The following PRKN variants were observed in gnomAD, a reference collection of about 807,000 sequenced individuals.
PRKN encodes E3 ubiquitin-protein ligase parkin.
In PRKN, 56 loss-of-function variants were observed where a neutral mutation model predicts 59.5. That is an observed-to-expected ratio of 0.94 (90% confidence interval 0.76 to 1.18). The LOEUF (loss-of-function observed/expected upper bound fraction) is 1.18, where lower values mean the gene tolerates loss of function less well. PRKN is among the 50% of genes most tolerant of loss of function. The probability of loss-of-function intolerance (pLI) is 0.00; values close to 1 mark genes in which losing one functional copy is unlikely to be tolerated. For missense variants in PRKN, 657 were observed against 596.4 expected (o/e 1.10, Z -1.06); for synonymous variants, 250 against 222.1 (o/e 1.13, Z -1.12).
Position 161,444,168 on chromosome 6 carries a change from C to A in PRKN, c.1084-57291G>T, listed in dbSNP as rs1006439125. ...GCCCAGCGGGTGGGAGCTGCAGATA[C>A]CACTTCTCCAGGACCCATCCCAGGG... On this transcript the variant is annotated intron_variant, in intron 9 of 11. Coordinates refer to ENST00000366898, the MANE Select transcript of PRKN (RefSeq NM_004562.3). This position sits in a 1 kb window ranked among gnomAD's most constrained non-coding sequence, Gnocchi z 5.6. 6.6e-6 allele frequency among the ~76,000 whole-genome samples: 1 copy of A among 152,186 alleles called. No homozygotes were observed. The highest frequency in any genetic ancestry group is 1.5e-5 in the Non-Finnish European group (1 of 68,034).
At chr6:161,846,403 A>C (rs1484128007) in intron 6 of PRKN, among the ~76,000 whole-genome samples, 5 of 152,182 alleles carry the variant, frequency 3.3e-5, no homozygotes, top group Non-Finnish European at 5.9e-5. Context: ...AAGCCCTTGA[A>C]AGATAATTAT....
chr6:161,725,971 A>G (rs1241398554), intron 7 of PRKN, among the ~76,000 whole-genome samples: 2 of 152,172 alleles, frequency 1.3e-5, no homozygotes, highest in East Asian at 3.8e-4. Context: ...TATGTCCCAC[A>G]TTTATTTCAG....
chr6:162,437,165 C>T (rs1051886909), intron 2 of PRKN, among the ~76,000 whole-genome samples: 3 of 152,240 alleles, frequency 2.0e-5, no homozygotes, highest in South Asian at 2.1e-4. Flanking sequence ...TTTACTCACC[C>T]TGTACTCTTA....
At chr6:161,878,005 T>C (rs550326832) in intron 6 of PRKN, among the ~76,000 whole-genome samples, 2 of 152,084 alleles carry the variant, frequency 1.3e-5, no homozygotes, top group African/African-American at 4.8e-5. Context: ...TGGCCGACAC[T>C]TGGAGGTGTT....
At chr6:162,446,188 C>A (rs1437780077) in intron 1 of PRKN, among the ~76,000 whole-genome samples, 1 of 152,102 alleles carries the variant, frequency 6.6e-6, no homozygotes, top group African/African-American at 2.4e-5. Flanking sequence ...ATAAGACAAC[C>A]AATTCATCAG....
Position 161,704,940 on chromosome 6 carries a change from T to A in PRKN, c.871+80832A>T, listed in dbSNP as rs180966504. On this transcript the variant is annotated intron_variant, in intron 7 of 11. Coordinates refer to ENST00000366898, the MANE Select transcript of PRKN (RefSeq NM_004562.3). ...CAGGGGACTTTTCAAAGAATGTGGATGATTGGGCTCCATCCCAAATATCCT... is the reference window on the plus strand; with the variant it reads ...CAGGGGACTTTTCAAAGAATGTGGAAGATTGGGCTCCATCCCAAATATCCT... Among the ~76,000 whole-genome samples, 40 of 152,320 alleles carry A rather than the reference T, an allele frequency of 2.6e-4. 1 individual carries two copies. Among genetic ancestry groups the A allele is most frequent in the Middle Eastern group, 3.4e-3 (1 of 294 alleles).
chr6:162,578,915 A>T (rs915391827), intron 1 of PRKN, among the ~76,000 whole-genome samples: 8 of 152,230 alleles, frequency 5.3e-5, no homozygotes, highest in African/African-American at 1.9e-4. Flanking sequence ...TAAGTTCCAA[A>T]AGTTCAAGGT....
In PRKN at chr6:162,695,547, A is replaced by C. The variant is rs576233847; in HGVS notation, c.7+32115T>G. 2.6e-4 allele frequency among the ~76,000 whole-genome samples: 40 copies of C among 152,226 alleles called. No homozygotes were observed. In the East Asian group the frequency reaches 5.8e-3, roughly 22 times the overall value. ...GGTATATTTTTCTAATTTTTCTATC[A>C]ATTTCTATCATTTTCCATCATTCAT... On this transcript the variant is annotated intron_variant, in intron 1 of 11. Transcript: ENST00000366898.
At chr6:162,175,026 A>G (rs1783467328) in intron 4 of PRKN, among the ~76,000 whole-genome samples, 2 of 152,204 alleles carry the variant, frequency 1.3e-5, no homozygotes, top group South Asian at 4.1e-4. Flanking sequence ...TACTAAAGAG[A>G]CAAGGGGGAC....
chr6:161,767,381 G>A (rs917394112), intron 7 of PRKN, among the ~76,000 whole-genome samples: 4 of 152,186 alleles, frequency 2.6e-5, no homozygotes, highest in East Asian at 1.9e-4. Flanking sequence ...GTCGGGTGTG[G>A]TGGCGGGCGC....
In PRKN at chr6:162,097,366, C is replaced by T. The variant is rs565052043; in HGVS notation, c.535-43192G>A. On this transcript the variant is annotated intron_variant, in intron 4 of 11. Transcript: ENST00000366898. ...CACATACATCATCCACATGAGCTGT[C>T]CCAAAGTCTGTAAGAGCAGAGTCAC... is the stretch of plus-strand genomic sequence containing the variant. 3.1e-4 allele frequency among the ~76,000 whole-genome samples: 47 copies of T among 152,252 alleles called. No homozygotes were observed. The South Asian group carries it at 9.5e-3, about 31-fold the overall frequency.
intron 6 of PRKN, among the ~76,000 whole-genome samples, chr6:161,877,252 C>G (rs1794764216): frequency 6.6e-6 from 1 of 152,064 alleles, no homozygotes; most frequent in African/African-American, 2.4e-5. Context: ...CACGGCGGCC[C>G]CATTCCTCCT....
chr6:161,749,063 T>C (rs1788561578), intron 7 of PRKN, among the ~76,000 whole-genome samples: 2 of 152,120 alleles, frequency 1.3e-5, no homozygotes, highest in African/African-American at 4.8e-5. Context: ...GTCCTTGTAC[T>C]TGGTGAACAG....
chr6:161,769,217 G>C (rs914676561), intron 7 of PRKN, among the ~76,000 whole-genome samples: 1 of 152,140 alleles, frequency 6.6e-6, no homozygotes. Context: ...CAGGTTTCCC[G>C]TGTGAGTCAC....
chr6:161,696,859 C>T (rs1333864512), intron 7 of PRKN, among the ~76,000 whole-genome samples: 1 of 152,184 alleles, frequency 6.6e-6, no homozygotes, highest in Non-Finnish European at 1.5e-5. Context: ...AGCCTCAGTA[C>T]TAAGCATCCA....
At chr6:162,067,439 G>A (rs1181440139) in intron 4 of PRKN, among the ~76,000 whole-genome samples, 1 of 152,100 alleles carries the variant, frequency 6.6e-6, no homozygotes, top group East Asian at 1.9e-4. Flanking sequence ...AGATAAATAA[G>A]TCTTTTGGAA....
chr6:162,592,768 A>C (rs1781359884), intron 1 of PRKN, among the ~76,000 whole-genome samples: 1 of 152,086 alleles, frequency 6.6e-6, no homozygotes, highest in South Asian at 2.1e-4. Context: ...AAGATTCAGA[A>C]GGATCAAAAG....
intron 1 of PRKN, chr6:162,624,250 C>CAAAA (rs752288555): frequency 3.1e-5 from 4 of 127,508 alleles, no homozygotes; most frequent in Non-Finnish European, 3.4e-5. Flanking sequence ...TCTGTCTCCA[C>CAAAA]AAAAAAAAAA....
intron 2 of PRKN, among the ~76,000 whole-genome samples, chr6:162,365,073 AT>A (rs11406377): frequency 2.4e-4 from 35 of 147,470 alleles, no homozygotes; most frequent in Non-Finnish European, 2.1e-4. Flanking sequence ...TTTACTAAGC[AT>A]TTTTTTTTAC....
Sources: gnomAD v4.1 joint callset for allele counts (sites outside exome capture counted in the v4.1 genomes callset) on GRCh38, gnomAD v4.1.1 for gene constraint, Gnocchi (gnomAD v3.1) non-coding constraint, MANE v1.5 for transcripts, NCBI Gene and HGNC (gene_info 2026-07-23, HGNC 2026-07-21) for gene names.